The following ADAM12 variants were observed in gnomAD, a reference collection of about 807,000 sequenced individuals.
ADAM12 encodes the protein disintegrin and metalloproteinase domain-containing protein 12.
Under a neutral mutation model 106.4 loss-of-function variants are expected in ADAM12, and 70 were observed. That is an observed-to-expected ratio of 0.66 (90% CI 0.54 to 0.80). The LOEUF (loss-of-function observed/expected upper bound fraction) is 0.80. ADAM12 is among the 30% of genes least tolerant of loss of function. The probability of loss-of-function intolerance (pLI) is 0.00; values close to 1 mark genes in which losing one functional copy is unlikely to be tolerated. For missense variants in ADAM12, 1,010 were observed against 1,171.9 expected (o/e 0.86, Z 2.02); for synonymous variants, 420 against 433.5 (o/e 0.97, Z 0.39).
At chr10:126,278,267 T>C (rs535372685) in intron 3 of ADAM12, among the ~76,000 whole-genome samples, 26 of 152,290 alleles carry the variant, frequency 1.7e-4, no homozygotes, top group Middle Eastern at 3.4e-3. Context: ...GAGGAATCTG[T>C]GGGGATAGCC....
At chr10:126,034,177 A>G (rs1954017646) in intron 21 of ADAM12, among the ~76,000 whole-genome samples, 1 of 152,354 alleles carries the variant, frequency 6.6e-6, no homozygotes, top group East Asian at 1.9e-4. Context: ...GTGATAAAGT[A>G]AGTACATACA....
At chr10:126,378,972 C>T (rs114126771) in intron 1 of ADAM12, among the ~76,000 whole-genome samples, 3 of 152,310 alleles carry the variant, frequency 2.0e-5, no homozygotes, top group African/African-American at 7.2e-5. Context: ...ACAACAGCTG[C>T]ATTTTGAGGT....
intron 2 of ADAM12, among the ~76,000 whole-genome samples, chr10:126,319,576 C>A (rs892276649): frequency 1.3e-5 from 2 of 152,172 alleles, no homozygotes; most frequent in African/African-American, 4.8e-5. Context: ...GCCCAATAAA[C>A]CGCCACAACC....
intron 2 of ADAM12, among the ~76,000 whole-genome samples, chr10:126,290,970 C>G (rs975719152): frequency 6.6e-6 from 1 of 152,226 alleles, no homozygotes; most frequent in East Asian, 1.9e-4. Context: ...TGTATGCTTA[C>G]TGATATAACC....
chr10:126,218,900 C>T (rs1306596683), intron 3 of ADAM12, among the ~76,000 whole-genome samples: 1 of 152,190 alleles, frequency 6.6e-6, no homozygotes, highest in African/African-American at 2.4e-5. Context: ...ATATTGATGC[C>T]AATGCCTCCC....
rs151095506 is a variant in ADAM12, at chr10:126,132,123, T to C, written c.416+3461A>G. ...CCAAGTAGCTGGGACTACAGGAGCA[T>C]GCCACCACGCCCAGCTAATTTTCGT... On this transcript the variant is annotated intron_variant, in intron 5 of 22. Coordinates refer to ENST00000448723, the MANE Select transcript of ADAM12 (RefSeq NM_001288973.2). Among the ~76,000 whole-genome samples, 647 of 152,134 alleles carry C rather than the reference T, an allele frequency of 4.3e-3. 2 individuals are homozygous for C. Among genetic ancestry groups the C allele is most frequent in the Middle Eastern group, 6.8e-3 (2 of 294 alleles).
At chr10:126,246,046 G>A (rs976326555) in intron 3 of ADAM12, among the ~76,000 whole-genome samples, 3 of 152,128 alleles carry the variant, frequency 2.0e-5, no homozygotes, top group African/African-American at 7.2e-5. Context: ...ATATTGAGAG[G>A]TGGAAAGGAA....
chr10:126,167,522 C>T (rs1250104984), intron 3 of ADAM12, among the ~76,000 whole-genome samples: 3 of 152,224 alleles, frequency 2.0e-5, no homozygotes, highest in Non-Finnish European at 4.4e-5. Flanking sequence ...CTGCATAAAT[C>T]AGGATTCTGT....
intron 2 of ADAM12, among the ~76,000 whole-genome samples, chr10:126,319,371 A>AT (rs1273191854): frequency 6.6e-6 from 1 of 152,206 alleles, no homozygotes; most frequent in Non-Finnish European, 1.5e-5. Flanking sequence ...GCACCTACAG[A>AT]TAAGACATAT....
At chr10:126,164,154 A>G (rs1956984471) in intron 3 of ADAM12, among the ~76,000 whole-genome samples, 2 of 152,246 alleles carry the variant, frequency 1.3e-5, no homozygotes, top group Non-Finnish European at 2.9e-5. Flanking sequence ...TTAGAATATG[A>G]AAAAACTCAT....
chr10:126,196,534 A>AT (rs952867226), intron 3 of ADAM12, among the ~76,000 whole-genome samples: 1 of 152,188 alleles, frequency 6.6e-6, no homozygotes, highest in Non-Finnish European at 1.5e-5. Context: ...TTGAAGACAC[A>AT]TTTACTGAGC....
intron 3 of ADAM12, among the ~76,000 whole-genome samples, chr10:126,264,080 AT>A (rs1405532235): frequency 5.9e-5 from 9 of 152,222 alleles, no homozygotes; most frequent in Admixed American, 3.9e-4. Context: ...CATTCTATAT[AT>A]TTTGTTGATA....
Position 126,179,182 on chromosome 10 carries a change from A to G in ADAM12, c.261-23877T>C, listed in dbSNP as rs113653244. 8.9e-3 allele frequency among the ~76,000 whole-genome samples: 1,351 copies of G among 152,304 alleles called. 29 individuals carry two copies. Among genetic ancestry groups the G allele is most frequent in the African/African-American group, 0.03 (1,264 of 41,560 alleles). Reference sequence around the variant, plus strand: ...GGGAATCTCCCATCAGCTGTGCCCAAAGTTTTCGTAAATATTGGTTAAGTG... The same window carrying G: ...GGGAATCTCCCATCAGCTGTGCCCAGAGTTTTCGTAAATATTGGTTAAGTG... On this transcript the variant is annotated intron_variant, in intron 3 of 22. Coordinates refer to ENST00000448723, the MANE Select transcript of ADAM12 (RefSeq NM_001288973.2).
At chr10:126,180,247 G>A (rs1039840253) in intron 3 of ADAM12, among the ~76,000 whole-genome samples, 3 of 152,280 alleles carry the variant, frequency 2.0e-5, no homozygotes, top group Admixed American at 2.0e-4. Flanking sequence ...GTAACCAGCC[G>A]GATTAAGGTT....
At chr10:126,345,106 T>C (rs1159643002) in intron 1 of ADAM12, among the ~76,000 whole-genome samples, 1 of 152,206 alleles carries the variant, frequency 6.6e-6, no homozygotes, top group East Asian at 1.9e-4. Flanking sequence ...TGTGCCAGTT[T>C]TGAAAGGGAA....
chr10:126,147,073 C>T (rs141004106), intron 4 of ADAM12, among the ~76,000 whole-genome samples: 1 of 152,348 alleles, frequency 6.6e-6, no homozygotes, highest in Non-Finnish European at 1.5e-5. Flanking sequence ...ACCCAAACAA[C>T]ACTTTTGGCC....
In ADAM12 at chr10:126,388,070, AG is replaced by A; in HGVS notation, c.75del (p.Cys26AlafsTer6). ...TTCGGCGACTTACCTCGGGCCTCGC[AG>A]GGCGCGAGCAGAGCACCGGCCAGGG... ...LLALAGALLAPCEARGVSLWN... is the reference protein window; with the variant it reads ...LLALAGALLAXCEARGVSLWN... On this transcript the variant is annotated frameshift_variant, in exon 1 of 23. Transcript: ENST00000448723. LOFTEE classifies it high-confidence loss of function. This position sits in a 1 kb window ranked among gnomAD's most constrained non-coding sequence, Gnocchi z 4.4. 8.1e-7 allele frequency: 1 copy of A among 1,228,018 alleles called. No individual in the cohort carries two copies. Among genetic ancestry groups the A allele is most frequent in the Non-Finnish European group, 1.0e-6 (1 of 984,190 alleles). 76.1% of individuals were successfully genotyped at this position (1,228,018 alleles called of 1,614,324 possible).
At chr10:126,142,652 G>A (rs981844975) in intron 4 of ADAM12, among the ~76,000 whole-genome samples, 5 of 152,144 alleles carry the variant, frequency 3.3e-5, no homozygotes, top group African/African-American at 9.7e-5. Context: ...GATTTGGCGG[G>A]GGGCCTGTTC....
intron 2 of ADAM12, among the ~76,000 whole-genome samples, chr10:126,305,912 G>A (rs962519006): frequency 3.3e-5 from 5 of 151,794 alleles, no homozygotes; most frequent in African/African-American, 1.2e-4. Flanking sequence ...TGCTTGCATG[G>A]CATATATATT....
Sources: allele counts gnomAD v4.1 joint callset (sites outside exome capture counted in the v4.1 genomes callset), GRCh38; gene constraint gnomAD v4.1.1; non-coding constraint Gnocchi (gnomAD v3.1); transcripts MANE v1.5; gene names NCBI Gene and HGNC (gene_info 2026-07-23, HGNC 2026-07-21).